Variants in ZBTB38 observed in about 807,000 individuals in gnomAD.
ZBTB38 encodes the protein zinc finger and BTB domain containing 38.
In ZBTB38, 20 loss-of-function variants were observed where a neutral mutation model predicts 76.8. The ratio of observed to expected loss-of-function variants is 0.26; its 90% CI spans 0.18 to 0.38. The LOEUF (loss-of-function observed/expected upper bound fraction) is 0.38, where lower values mean the gene tolerates loss of function less well. Among genes scored for constraint, ZBTB38 ranks in the 10% least tolerant of loss-of-function variants. The pLI, the probability that ZBTB38 is intolerant of heterozygous loss-of-function variation, is 1.00. For synonymous variants in ZBTB38, 504 were observed against 544.2 expected, an observed-to-expected ratio of 0.93 and a Z score of 1.03; for missense variants, 1,082 against 1,482.3, an observed-to-expected ratio of 0.73 and a Z score of 4.43.
intron 2 of ZBTB38, among the ~76,000 whole-genome samples, chr3:141,374,990 A>G (rs1232078701): frequency 6.6e-6 from 1 of 152,220 alleles, no homozygotes; most frequent in Non-Finnish European, 1.5e-5. Context: ...GGGGATATGC[A>G]TTTTAACCTG....
intron 1 of ZBTB38, among the ~76,000 whole-genome samples, chr3:141,358,118 T>C (rs1943719758): frequency 6.6e-6 from 1 of 152,168 alleles, no homozygotes; most frequent in Non-Finnish European, 1.5e-5. Flanking sequence ...GAAACTGTGG[T>C]CATATAGCCA....
intron 2 of ZBTB38, among the ~76,000 whole-genome samples, chr3:141,370,331 T>C (rs1944358883): frequency 6.6e-6 from 1 of 152,222 alleles, no homozygotes; most frequent in Admixed American, 6.5e-5. Context: ...GGGAGTTTTT[T>C]ATGGGCTCTG....
At chr3:141,330,203 G>A (rs1180665464) in intron 1 of ZBTB38, among the ~76,000 whole-genome samples, 1 of 152,146 alleles carries the variant, frequency 6.6e-6, no homozygotes, top group Non-Finnish European at 1.5e-5. Context: ...GTGGCCTCAG[G>A]GAGTGTGTCT....
chr3:141,361,995 A>G (rs571300235), intron 1 of ZBTB38, among the ~76,000 whole-genome samples: 6 of 152,206 alleles, frequency 3.9e-5, no homozygotes, highest in Non-Finnish European at 7.3e-5. Flanking sequence ...ATATTATAAA[A>G]TCGAAACGAA....
At chr3:141,341,217 C>T (rs1271851678) in intron 1 of ZBTB38, among the ~76,000 whole-genome samples, 2 of 152,174 alleles carry the variant, frequency 1.3e-5, no homozygotes, top group African/African-American at 4.8e-5. Context: ...GACTGTAAAA[C>T]AGTACAGCTG....
intron 1 of ZBTB38, among the ~76,000 whole-genome samples, chr3:141,344,340 C>T (rs1230396677): frequency 1.3e-5 from 2 of 152,102 alleles, no homozygotes; most frequent in African/African-American, 4.8e-5. Flanking sequence ...TTCCTTGGCT[C>T]ATGGCTTCCT....
chr3:141,441,945 T>C (rs962314945), intron 5 of ZBTB38, among the ~76,000 whole-genome samples: 16 of 152,018 alleles, frequency 1.1e-4, no homozygotes. Context: ...TCCTGCTTCA[T>C]GGTTGTGACT....
chr3:141,406,386 T>G (rs964433426), intron 5 of ZBTB38, among the ~76,000 whole-genome samples: 3 of 152,048 alleles, frequency 2.0e-5, no homozygotes, highest in African/African-American at 7.3e-5. Flanking sequence ...GGGAAAGGAA[T>G]AGATGCAAAG....
chr3:141,422,412 C>T (rs2075599123), intron 5 of ZBTB38, among the ~76,000 whole-genome samples: 1 of 152,216 alleles, frequency 6.6e-6, no homozygotes, highest in African/African-American at 2.4e-5. Context: ...GGCCCCTCGC[C>T]ACCAAGGCAA....
At position 141,443,400 on chromosome 3, in the gene ZBTB38, C is replaced by T. The variant is rs2080644677; in HGVS notation, c.1012C>T (p.Pro338Ser). 1.2e-6 allele frequency: 2 copies of T among 1,614,236 alleles called. No homozygotes were observed. Among genetic ancestry groups the T allele is most frequent in the Non-Finnish European group, 1.7e-6 (2 of 1,180,038 alleles). Residue 338 changes from proline to serine, a missense_variant, in exon 6 of 6, where the codon CCA (proline) becomes TCA (serine). Pro to Ser is a moderately conservative substitution (Grantham distance 74). Around this residue, in one of 8 missense-constraint regions of ZBTB38, gnomAD observed 324 missense variants for 359.1 expected, o/e 0.90. Coordinates refer to ENST00000321464, the MANE Select transcript of ZBTB38 (RefSeq NM_001376113.1). The surrounding 1 kb of genome is among the most constrained non-coding windows in gnomAD (Gnocchi z 5.6). Reference sequence around the variant, plus strand: ...TCCCGGGCCGCCAGCCGCAGAGGTTCCACCTCTGGTGTACAATTGTAGCTG... The same window carrying T: ...TCCCGGGCCGCCAGCCGCAGAGGTTTCACCTCTGGTGTACAATTGTAGCTG... ...DVPGPPAAEVPPLVYNCSCCS... is the reference protein window; with the variant it reads ...DVPGPPAAEVSPLVYNCSCCS...
Position 141,445,272 on chromosome 3 carries a change from G to A in ZBTB38, c.2884G>A (p.Val962Met), listed in dbSNP as rs75545796. ...CKYPAELDCAVGKAPQDKPFE... is the reference protein window; with the variant it reads ...CKYPAELDCAMGKAPQDKPFE... Reference sequence around the variant, plus strand: ...ATACCCAGCAGAACTGGATTGCGCCGTGGGGAAGGCTCCTCAGGATAAACC... The same window carrying A: ...ATACCCAGCAGAACTGGATTGCGCCATGGGGAAGGCTCCTCAGGATAAACC... The change falls in exon 6 of 6, where the codon GTG becomes ATG. Residue 962 changes from valine (V) to methionine (M), a missense_variant. Coordinates refer to ENST00000321464, the MANE Select transcript of ZBTB38 (RefSeq NM_001376113.1). The surrounding 1 kb of genome is among the most constrained non-coding windows in gnomAD (Gnocchi z 6.5). 2,162 of 1,614,172 alleles carry A rather than the reference G, an allele frequency of 1.3e-3. 23 individuals are homozygous for A. In the African/African-American group the frequency reaches 0.025, roughly 19 times the overall value.
intron 2 of ZBTB38, among the ~76,000 whole-genome samples, chr3:141,377,403 G>A (rs1352688210): frequency 2.0e-5 from 3 of 152,204 alleles, no homozygotes; most frequent in Admixed American, 6.5e-5. Context: ...CCATCAAAAG[G>A]AGCCCGACAC....
At chr3:141,353,868 C>G (rs1197643720) in intron 1 of ZBTB38, among the ~76,000 whole-genome samples, 1 of 152,126 alleles carries the variant, frequency 6.6e-6, no homozygotes, top group African/African-American at 2.4e-5. Context: ...CAGCAGTTAT[C>G]TCCAGGAACA....
At chr3:141,376,232 G>A (rs1439694818) in intron 2 of ZBTB38, among the ~76,000 whole-genome samples, 3 of 152,210 alleles carry the variant, frequency 2.0e-5, no homozygotes, top group Non-Finnish European at 2.9e-5. Context: ...CCCAGTTCAC[G>A]TTCAGGTTCT....
intron 5 of ZBTB38, among the ~76,000 whole-genome samples, chr3:141,436,360 A>C (rs1334318337): frequency 1.3e-5 from 2 of 152,132 alleles, no homozygotes; most frequent in African/African-American, 4.8e-5. Flanking sequence ...CACATTACTG[A>C]GAGAAGCTGC....
At chr3:141,436,270 A>G (rs2078759751) in intron 5 of ZBTB38, among the ~76,000 whole-genome samples, 1 of 152,144 alleles carries the variant, frequency 6.6e-6, no homozygotes, top group South Asian at 2.1e-4. Flanking sequence ...AGTATGTCTA[A>G]GATCTGTGGG....
At chr3:141,390,742 G>A (rs922597104) in intron 4 of ZBTB38, among the ~76,000 whole-genome samples, 12 of 152,340 alleles carry the variant, frequency 7.9e-5, no homozygotes, top group African/African-American at 2.6e-4. Flanking sequence ...CATTTATTGA[G>A]CATCTGCTAC....
chr3:141,403,554 T>C (rs1953131119), intron 4 of ZBTB38, among the ~76,000 whole-genome samples: 1 of 152,242 alleles, frequency 6.6e-6, no homozygotes, highest in African/African-American at 2.4e-5. Context: ...GGTTTTCGGT[T>C]TATATAATGT....
At chr3:141,326,709 G>T (rs1424216181) in intron 1 of ZBTB38, among the ~76,000 whole-genome samples, 1 of 152,082 alleles carries the variant, frequency 6.6e-6, no homozygotes, top group African/African-American at 2.4e-5. Context: ...TTGGTTTACA[G>T]GAACAAAGTG....
Sources: allele counts gnomAD v4.1 joint callset (sites outside exome capture counted in the v4.1 genomes callset), GRCh38; gene constraint gnomAD v4.1.1; regional missense constraint gnomAD v4.1.1; non-coding constraint Gnocchi (gnomAD v3.1); transcripts MANE v1.5; gene names NCBI Gene and HGNC (gene_info 2026-07-23, HGNC 2026-07-21).